Variants in ZBTB20 observed in about 807,000 individuals in gnomAD.
ZBTB20 encodes zinc finger and BTB domain containing 20.
Under a neutral mutation model 56.9 loss-of-function variants are expected in ZBTB20, and 9 were observed. The observed-to-expected ratio is 0.16, with a 90% CI of 0.10 to 0.28. The LOEUF (loss-of-function observed/expected upper bound fraction) is 0.28, where lower values mean the gene tolerates loss of function less well. Ranked by LOEUF, ZBTB20 falls within the 10% of genes least tolerant of loss-of-function variation. The pLI is 1.00. For synonymous variants in ZBTB20, 417 were observed against 420.7 expected (o/e 0.99, Z 0.11); for missense variants, 655 against 1,003.0 (o/e 0.65, Z 4.69).
At chr3:114,776,274 G>A (rs1263352267) in intron 5 of ZBTB20, among the ~76,000 whole-genome samples, 5 of 149,674 alleles carry the variant, frequency 3.3e-5, no homozygotes, top group Admixed American at 6.6e-5. Context: ...AAAAAAAAAA[G>A]ACTTTGCAGG....
In ZBTB20 at chr3:114,327,241, G is replaced by T. The variant is rs1227458646; in HGVS notation, c.*11764C>A. 1 of 151,994 alleles carries T rather than the reference G, an allele frequency of 6.6e-6. No homozygotes were observed. The highest frequency in any genetic ancestry group is 1.5e-5 in the Non-Finnish European group (1 of 68,024). The allele number at this position is 151,994 out of a possible 1,614,324, so 9.4% of individuals were successfully genotyped here. ...TGTGGTGAGAAATTCTGGGTCTTGG[G>T]GTTGGAATACTTCTTGGGGAACTAG... On this transcript the variant is annotated 3_prime_UTR_variant, in exon 12 of 12. Coordinates refer to ENST00000675478, the MANE Select transcript of ZBTB20 (RefSeq NM_001348800.3).
At chr3:114,979,336 G>A (rs920081247) in intron 2 of ZBTB20, among the ~76,000 whole-genome samples, 1 of 151,904 alleles carries the variant, frequency 6.6e-6, no homozygotes, top group African/African-American at 2.4e-5. Context: ...AATCAGTTTT[G>A]GAAATAGGAG....
At chr3:114,964,657 T>C (rs573414970) in intron 3 of ZBTB20, among the ~76,000 whole-genome samples, 3 of 151,984 alleles carry the variant, frequency 2.0e-5, no homozygotes, top group Admixed American at 2.0e-4. Flanking sequence ...AACAGTGAAG[T>C]GTGTGTTGAA....
At chr3:114,823,525 A>G (rs1050236717) in intron 4 of ZBTB20, among the ~76,000 whole-genome samples, 1 of 152,100 alleles carries the variant, frequency 6.6e-6, no homozygotes, top group African/African-American at 2.4e-5. Context: ...GATTTTATGT[A>G]CTATCCATAT....
chr3:114,633,318 T>C (rs2059071313), intron 6 of ZBTB20, among the ~76,000 whole-genome samples: 1 of 152,198 alleles, frequency 6.6e-6, no homozygotes, highest in Non-Finnish European at 1.5e-5. Flanking sequence ...CAACTTCTAA[T>C]TTTAATTCCA....
chr3:114,982,372 A>C (rs1027653458), intron 2 of ZBTB20, among the ~76,000 whole-genome samples: 1 of 152,084 alleles, frequency 6.6e-6, no homozygotes. Context: ...CAAGGGGCCA[A>C]ATTTGCAGTA....
chr3:114,678,303 A>G lies in ZBTB20; in HGVS notation c.-295+15225T>C, dbSNP rs185892371. On this transcript the variant is annotated intron_variant, in intron 6 of 11. Transcript: ENST00000675478. Reference sequence around the variant, plus strand: ...CAATATCAGCATCACTCTGAAAACCATTTCTATTCTGTTTTTAAAAAAAAG... The same window carrying G: ...CAATATCAGCATCACTCTGAAAACCGTTTCTATTCTGTTTTTAAAAAAAAG... Among the ~76,000 whole-genome samples the G allele has an allele frequency of 2.8e-3, 426 of 152,308 alleles. 7 individuals carry two copies. Among genetic ancestry groups the G allele is most frequent in the Non-Finnish European group, 3.5e-3 (236 of 68,016 alleles).
At chr3:114,810,113 A>C (rs2108873734) in intron 4 of ZBTB20, among the ~76,000 whole-genome samples, 1 of 152,292 alleles carries the variant, frequency 6.6e-6, no homozygotes, top group East Asian at 1.9e-4. Flanking sequence ...ATGCACTCAA[A>C]GTTCAGGCAG....
chr3:114,885,058 G>T (rs910794860), intron 4 of ZBTB20, among the ~76,000 whole-genome samples: 2 of 152,202 alleles, frequency 1.3e-5, no homozygotes, highest in Admixed American at 6.5e-5. Context: ...AGTTTAAGGA[G>T]ATTTGGTTAA....
At chr3:114,347,479 T>C (rs768748805) in intron 11 of ZBTB20, among the ~76,000 whole-genome samples, 17 of 152,150 alleles carry the variant, frequency 1.1e-4, no homozygotes, top group Non-Finnish European at 2.1e-4. Flanking sequence ...CATTTGGACT[T>C]TTTGCTTTGA....
intron 6 of ZBTB20, among the ~76,000 whole-genome samples, chr3:114,537,685 A>T (rs2110081513): frequency 6.6e-6 from 1 of 152,318 alleles, no homozygotes; most frequent in Admixed American, 6.5e-5. Context: ...ACACATGCAC[A>T]TGTATGTTTA....
At chr3:114,947,251 G>A (rs2076916918) in intron 3 of ZBTB20, among the ~76,000 whole-genome samples, 1 of 145,784 alleles carries the variant, frequency 6.9e-6, no homozygotes, top group Non-Finnish European at 1.5e-5. Flanking sequence ...ACAATATGGA[G>A]ATTTCTCAAA....
rs558982911 is a variant in ZBTB20, at chr3:114,660,918, G to A, written c.-295+32610C>T. ...GGAGAGAGAGACAGCAAGTGAGAGA[G>A]AGAAGCTTTTGGACCTCTCTCTCCA... is the stretch of plus-strand genomic sequence containing the variant. On this transcript the variant is annotated intron_variant, in intron 6 of 11. Transcript: ENST00000675478. 1.6e-3 allele frequency among the ~76,000 whole-genome samples: 237 copies of A among 152,176 alleles called. 1 individual carries two copies. Among genetic ancestry groups the A allele is most frequent in the African/African-American group, 5.4e-3 (223 of 41,514 alleles).
At chr3:114,497,096 A>G (rs1329944455) in intron 7 of ZBTB20, among the ~76,000 whole-genome samples, 1 of 152,196 alleles carries the variant, frequency 6.6e-6, no homozygotes, top group Non-Finnish European at 1.5e-5. Context: ...AAGATTATGC[A>G]ATAGGCCAAG....
intron 4 of ZBTB20, among the ~76,000 whole-genome samples, chr3:114,864,915 CG>C (rs139277290): frequency 0.024 from 3,641 of 152,186 alleles, 51 homozygotes; most frequent in South Asian, 0.051. Context: ...TTCCCCTTTA[CG>C]GCTGCCCTTA....
chr3:115,098,496 G>C (rs898520099), intron 1 of ZBTB20, among the ~76,000 whole-genome samples: 2 of 151,978 alleles, frequency 1.3e-5, no homozygotes, highest in Admixed American at 6.6e-5. Flanking sequence ...CTCTCCTAAA[G>C]TTCCCCTTAG....
intron 4 of ZBTB20, among the ~76,000 whole-genome samples, chr3:114,841,813 G>A (rs949221942): frequency 1.3e-5 from 2 of 152,160 alleles, no homozygotes; most frequent in Non-Finnish European, 2.9e-5. Flanking sequence ...GGAGAAATAT[G>A]TGGTGGTCAT....
At chr3:114,945,016 A>G (rs1473091562) in intron 3 of ZBTB20, among the ~76,000 whole-genome samples, 1 of 145,740 alleles carries the variant, frequency 6.9e-6, no homozygotes, top group Non-Finnish European at 1.5e-5. Context: ...ATTTGAGGTG[A>G]TGGATGCTAA....
intron 5 of ZBTB20, among the ~76,000 whole-genome samples, chr3:114,709,937 G>A (rs1256588836): frequency 6.6e-6 from 1 of 152,098 alleles, no homozygotes; most frequent in Admixed American, 6.6e-5. Context: ...TGAATGCCCT[G>A]ACTGCTCCTT....
Sources: allele counts gnomAD v4.1 joint callset (sites outside exome capture counted in the v4.1 genomes callset), GRCh38; gene constraint gnomAD v4.1.1; transcripts MANE v1.5; gene names NCBI Gene and HGNC (gene_info 2026-07-23, HGNC 2026-07-21).